Variants in CTBP2 observed in about 807,000 individuals in gnomAD.
The protein encoded by CTBP2 is C-terminal-binding protein 2.
In CTBP2, 30 loss-of-function variants were observed where a neutral mutation model predicts 80.3. That is an observed-to-expected ratio of 0.37 (90% CI 0.28 to 0.51). The LOEUF is 0.51. Ranked by LOEUF, CTBP2 falls within the 20% of genes least tolerant of loss-of-function variation. CTBP2 has a pLI of 0.93. For synonymous variants in CTBP2, 594 were observed against 587.4 expected (o/e 1.01, Z -0.16); for missense variants, 1,212 against 1,375.3 (o/e 0.88, Z 1.88).
intron 2 of CTBP2, among the ~76,000 whole-genome samples, chr10:125,069,056 G>A (rs1845066187): frequency 6.6e-6 from 1 of 152,054 alleles, no homozygotes. Flanking sequence ...TAGAGCTGGT[G>A]CCCACCCCCA....
At chr10:125,029,104 A>G (rs1957930461), upstream of CTBP2, among the ~76,000 whole-genome samples, 1 of 152,208 alleles carries the variant, frequency 6.6e-6, no homozygotes, top group African/African-American at 2.4e-5. Context: ...CATTGAAAGC[A>G]CTTTAAAATG....
At chr10:125,015,081 TC>T (rs1956333170) in intron 1 of CTBP2, among the ~76,000 whole-genome samples, 1 of 152,212 alleles carries the variant, frequency 6.6e-6, no homozygotes, top group Non-Finnish European at 1.5e-5. Context: ...TCCACGTTCC[TC>T]GACATTAGGT....
chr10:125,003,502 G>T lies in CTBP2; in HGVS notation c.1679-10C>A. On this transcript the variant is annotated splice_polypyrimidine_tract_variant and intron_variant, in intron 1 of 8. Coordinates refer to ENST00000309035, the MANE Select transcript of CTBP2 (RefSeq NM_022802.3). ...ATCTGGGGGCGGATACCTGCCAGGA[G>T]GGAAGGGGTGAGCACAGTGGGTGGG... 1 of 1,549,166 alleles carries T rather than the reference G, an allele frequency of 6.5e-7. No homozygotes were observed. Among genetic ancestry groups the T allele is most frequent in the Non-Finnish European group, 8.7e-7 (1 of 1,151,558 alleles).
intron 2 of CTBP2, among the ~76,000 whole-genome samples, chr10:125,047,689 T>A (rs1440938036): frequency 6.6e-6 from 1 of 152,254 alleles, no homozygotes; most frequent in African/African-American, 2.4e-5. Flanking sequence ...CTGTCAATTG[T>A]AACCATATTA....
intron 2 of CTBP2, among the ~76,000 whole-genome samples, chr10:125,061,911 G>A (rs1055001333): frequency 2.6e-5 from 4 of 152,188 alleles, no homozygotes; most frequent in African/African-American, 9.7e-5. Flanking sequence ...TTAGGAACCA[G>A]GTATGCTTTC....
intron 1 of CTBP2, among the ~76,000 whole-genome samples, chr10:125,152,041 G>A (rs1565055167): frequency 6.6e-6 from 1 of 152,126 alleles, no homozygotes; most frequent in East Asian, 1.9e-4. Flanking sequence ...CAGATACCGC[G>A]GCCCGCGGAG....
chr10:125,018,684 G>A (rs139708348), intron 1 of CTBP2, among the ~76,000 whole-genome samples: 3 of 152,312 alleles, frequency 2.0e-5, no homozygotes, highest in East Asian at 3.9e-4. Flanking sequence ...TGGCAAAGGG[G>A]CAAGAGGCAC....
intron 2 of CTBP2, among the ~76,000 whole-genome samples, chr10:125,043,091 G>A (rs1379509234): frequency 2.6e-5 from 4 of 152,220 alleles, no homozygotes; most frequent in Non-Finnish European, 4.4e-5. Context: ...GTAGATACTT[G>A]GTTGTTTCCA....
At position 124,984,669 on chromosome 10, in the gene CTBP2, C is replaced by A; in HGVS notation, c.*4849G>T. 8.7e-7 allele frequency: 1 copy of A among 1,154,506 alleles called. No individual in the cohort carries two copies. Among genetic ancestry groups the A allele is most frequent in the Non-Finnish European group, 1.2e-6 (1 of 817,386 alleles). The allele number at this position is 1,154,506 out of a possible 1,614,324, so 71.5% of individuals were successfully genotyped here. A position where few individuals can be genotyped will look rare whatever the true frequency, so the allele number is the denominator to read the frequency against. On this transcript the variant is annotated 3_prime_UTR_variant, in exon 9 of 9. Transcript: ENST00000309035. ...CCATGTGAAAAGTTGATTGCTTTGG[C>A]CTTTTCATGAGTTAGCATACCAGCT...
intron 1 of CTBP2, among the ~76,000 whole-genome samples, chr10:125,016,439 C>T (rs1166207809): frequency 6.6e-6 from 1 of 152,234 alleles, no homozygotes; most frequent in Non-Finnish European, 1.5e-5. Context: ...AACAACACGT[C>T]CTCCCGCAAA....
rs548116355 is a variant in CTBP2, at chr10:125,046,223, G to A, written c.-101-7068C>T. On this transcript the variant is annotated intron_variant, in intron 2 of 10. Transcript: ENST00000337195. ...AATTTAGGGCAGGTCAAATTCTGCC[G>A]CTATCAGAGTATTTTAGAATTTGGA... Among the ~76,000 whole-genome samples, 310 of 152,196 alleles carry A rather than the reference G, an allele frequency of 2.0e-3. 12 individuals carry two copies. In the South Asian group the frequency reaches 0.062, roughly 31 times the overall value.
intron 2 of CTBP2, among the ~76,000 whole-genome samples, chr10:125,104,192 G>A (rs1851092272): frequency 6.6e-6 from 1 of 152,194 alleles, no homozygotes; most frequent in African/African-American, 2.4e-5. Context: ...TTCGATCCCA[G>A]CGGCCTGGAG....
At chr10:125,116,787 C>T (rs1253732441) in intron 1 of CTBP2, among the ~76,000 whole-genome samples, 1 of 152,206 alleles carries the variant, frequency 6.6e-6, no homozygotes, top group East Asian at 1.9e-4. Context: ...GGGGCTTTCC[C>T]CACACATCCC....
At chr10:125,040,182 C>A (rs924354656) in intron 2 of CTBP2, among the ~76,000 whole-genome samples, 1 of 152,124 alleles carries the variant, frequency 6.6e-6, no homozygotes. Context: ...TGGCCAGGCA[C>A]GGTGGCTCAT....
chr10:125,026,599 G>GC lies in CTBP2; in HGVS notation c.1160dup (p.Ala388ArgfsTer78). On this transcript the variant is annotated frameshift_variant, in exon 1 of 9. Transcript: ENST00000309035. LOFTEE classifies it high-confidence loss of function. ...ATGCTGTCTGCAGAGGAGCCGCAGC[G>GC]CCCAGAGAAGCCAAGTCACCATGGA... The GC allele has an allele frequency of 7.7e-7, 1 of 1,306,794 alleles. No homozygotes were observed. The highest frequency in any genetic ancestry group is 1.0e-6 in the Non-Finnish European group (1 of 954,348). The allele number at this position is 1,306,794 out of a possible 1,614,324, so 80.9% of individuals were successfully genotyped here.
intron 1 of CTBP2, among the ~76,000 whole-genome samples, chr10:125,149,305 C>T (rs891420044): frequency 1.3e-5 from 2 of 152,218 alleles, no homozygotes; most frequent in African/African-American, 4.8e-5. Context: ...CCCAGTGAGG[C>T]ACCACAGAAA....
chr10:125,143,187 A>C (rs538135696), intron 1 of CTBP2, among the ~76,000 whole-genome samples: 11 of 152,300 alleles, frequency 7.2e-5, no homozygotes, highest in Admixed American at 2.6e-4. Flanking sequence ...TGTTCAGAAG[A>C]AGCAAATTCG....
upstream of CTBP2, among the ~76,000 whole-genome samples, chr10:125,031,268 C>G (rs1958158877): frequency 6.6e-6 from 1 of 152,010 alleles, no homozygotes. Flanking sequence ...TGGGGCGGAT[C>G]ACCTGATGTC....
chr10:125,159,214 C>T (rs1279338272), intron 1 of CTBP2, among the ~76,000 whole-genome samples: 3 of 149,960 alleles, frequency 2.0e-5, no homozygotes, highest in Non-Finnish European at 4.5e-5. Flanking sequence ...TGCGCCGCAC[C>T]GGGTCCCTGC....
Sources: allele counts gnomAD v4.1 joint callset (sites outside exome capture counted in the v4.1 genomes callset), GRCh38; gene constraint gnomAD v4.1.1; transcripts MANE v1.5; gene names NCBI Gene and HGNC (gene_info 2026-07-23, HGNC 2026-07-21).